Variants in SLC23A2 observed in about 807,000 individuals in gnomAD.
The protein encoded by SLC23A2 is solute carrier family 23 member 2.
Under a neutral mutation model 73.3 loss-of-function variants are expected in SLC23A2, and 36 were observed. That is an observed-to-expected ratio of 0.49 (90% CI 0.38 to 0.65). The LOEUF (loss-of-function observed/expected upper bound fraction) is 0.65. Ranked by LOEUF, SLC23A2 falls within the 30% of genes least tolerant of loss-of-function variation. The probability of loss-of-function intolerance (pLI) is 0.00; values close to 1 mark genes in which losing one functional copy is unlikely to be tolerated. For synonymous variants in SLC23A2, 343 were observed against 327.3 expected, an observed-to-expected ratio of 1.05 and a Z score of -0.52; for missense variants, 507 against 841.6, an observed-to-expected ratio of 0.60 and a Z score of 4.92.
chr20:4,983,833 G>A (rs2087773223), intron 1 of SLC23A2, among the ~76,000 whole-genome samples: 1 of 151,326 alleles, frequency 6.6e-6, no homozygotes, highest in Admixed American at 6.6e-5. Context: ...GTGCATGCCT[G>A]TAATCCCTGC....
At chr20:4,975,695 TA>T (rs1299185505) in intron 1 of SLC23A2, among the ~76,000 whole-genome samples, 2 of 151,206 alleles carry the variant, frequency 1.3e-5, no homozygotes, top group South Asian at 2.1e-4. Flanking sequence ...TTTTTTTTTT[TA>T]ATTTTTGCAA....
chr20:4,857,283 TACACACACACACAC>T lies in SLC23A2; in HGVS notation c.1721-93_1721-80del, dbSNP rs398035250. The stretch of plus-strand genomic sequence containing the variant: ...GAAAATGAAACTGTCGTCAAACACA[TACACACACACACAC>T]ACACACACACACACACACACACACA... On this transcript the variant is annotated intron_variant, in intron 16 of 16. Transcript: ENST00000338244. This position sits in a 1 kb window ranked among gnomAD's most constrained non-coding sequence, Gnocchi z 4.0. 16,662 of 420,710 alleles carry T rather than the reference TACACACACACACAC, an allele frequency of 0.04. 178 individuals carry two copies. The highest frequency in any genetic ancestry group is 0.074 in the African/African-American group (3,389 of 45,590). 26.1% of individuals were successfully genotyped at this position (420,710 alleles called of 1,614,324 possible). A position where few individuals can be genotyped will look rare whatever the true frequency, so the allele number is the denominator to read the frequency against.
chr20:4,902,574 A>G lies in SLC23A2; in HGVS notation c.208-16T>C. Reference sequence around the variant, plus strand: ...CGAGAGAGCTCTGCGAGCCAGAAGGAGAAAAGAAGGTGCTCATTAAACGTG... The same window carrying G: ...CGAGAGAGCTCTGCGAGCCAGAAGGGGAAAAGAAGGTGCTCATTAAACGTG... On this transcript the variant is annotated splice_polypyrimidine_tract_variant and intron_variant, in intron 4 of 16. Coordinates refer to ENST00000338244, the MANE Select transcript of SLC23A2 (RefSeq NM_005116.6). This position sits in a 1 kb window ranked among gnomAD's most constrained non-coding sequence, Gnocchi z 4.0. 1 of 1,485,404 alleles carries G rather than the reference A, an allele frequency of 6.7e-7. No individual in the cohort carries two copies. The highest frequency in any genetic ancestry group is 9.3e-7 in the Non-Finnish European group (1 of 1,070,516). The allele number at this position is 1,485,404 out of a possible 1,614,324, so 92.0% of individuals were successfully genotyped here.
chr20:4,921,841 A>G (rs1932508284), intron 3 of SLC23A2, among the ~76,000 whole-genome samples: 2 of 152,196 alleles, frequency 1.3e-5, no homozygotes, highest in African/African-American at 4.8e-5. Context: ...GAGGCAGAAG[A>G]ACATATCAGC....
At chr20:4,932,406 G>A in intron 3 of SLC23A2, 49 bp downstream of exon 3, 2 of 1,068,538 alleles carry the variant, frequency 1.9e-6, no homozygotes, top group Non-Finnish European at 2.9e-6. Flanking sequence ...ATTCCATACG[G>A]AAACTACTTT....
intron 2 of SLC23A2, among the ~76,000 whole-genome samples, chr20:4,959,638 T>C (rs1418756530): frequency 2.0e-5 from 3 of 151,504 alleles, no homozygotes; most frequent in Non-Finnish European, 1.5e-5. Context: ...GATGGGACTA[T>C]AGGTGTGCGC....
At chr20:4,984,359 C>T (rs1261781979) in intron 1 of SLC23A2, among the ~76,000 whole-genome samples, 1 of 152,012 alleles carries the variant, frequency 6.6e-6, no homozygotes, top group East Asian at 1.9e-4. Context: ...TCGAGACCAT[C>T]CTGGCTAACA....
At chr20:4,983,333 T>C (rs1352806165) in intron 1 of SLC23A2, among the ~76,000 whole-genome samples, 1 of 151,662 alleles carries the variant, frequency 6.6e-6, no homozygotes, top group African/African-American at 2.4e-5. Context: ...TAACAAAAAT[T>C]AAAACTTTCT....
intron 2 of SLC23A2, among the ~76,000 whole-genome samples, chr20:4,953,545 T>C (rs1052814726): frequency 6.6e-6 from 1 of 152,102 alleles, no homozygotes; most frequent in Non-Finnish European, 1.5e-5. Context: ...AAAACACAGC[T>C]AGACCTGTGA....
In SLC23A2 at chr20:4,929,098, T is replaced by A. The variant is rs148973375; in HGVS notation, c.108+3357A>T. Among the ~76,000 whole-genome samples the A allele has an allele frequency of 6.4e-3, 963 of 151,596 alleles. 11 individuals are homozygous for A. The highest frequency in any genetic ancestry group is 0.021 in the African/African-American group (859 of 41,348). On this transcript the variant is annotated intron_variant, in intron 3 of 16. Transcript: ENST00000338244. ...AAATGCCATCTCTAAATTTAAAAAA[T>A]ATATATATACACAAAAATGTAGCCA...
At chr20:5,003,346 C>G (rs989403424), upstream of SLC23A2, among the ~76,000 whole-genome samples, 5 of 151,850 alleles carry the variant, frequency 3.3e-5, no homozygotes, top group African/African-American at 1.2e-4. Flanking sequence ...ATCGCGCCAC[C>G]GCACTCCAGC....
At chr20:4,907,205 A>AG (rs1449704214) in intron 4 of SLC23A2, among the ~76,000 whole-genome samples, 2 of 152,200 alleles carry the variant, frequency 1.3e-5, no homozygotes, top group African/African-American at 4.8e-5. Flanking sequence ...AGGTCACAGA[A>AG]GCCAGACTTA....
intron 1 of SLC23A2, among the ~76,000 whole-genome samples, chr20:5,007,240 A>C (rs1471157311): frequency 6.6e-6 from 1 of 151,990 alleles, no homozygotes; most frequent in Admixed American, 6.6e-5. Context: ...ATTTAAAGTA[A>C]ACAATTGTGG....
chr20:4,974,725 C>T (rs530075259), intron 1 of SLC23A2, among the ~76,000 whole-genome samples: 1 of 152,154 alleles, frequency 6.6e-6, no homozygotes, highest in African/African-American at 2.4e-5. Context: ...AAAAGAGGCA[C>T]ATGTATGCAC....
rs918057376 is a variant in SLC23A2 at position 4,856,934 on chromosome 20, A to G, written c.*38T>C. On this transcript the variant is annotated 3_prime_UTR_variant, in exon 17 of 17. Transcript: ENST00000338244. The surrounding 1 kb of genome is among the most constrained non-coding windows in gnomAD (Gnocchi z 4.6). The stretch of plus-strand genomic sequence containing the variant: ...TTACTCAGCAAGGAACTACAGATAC[A>G]TGCCTCACTGCGGCCAGGCCACAGG... The G allele has an allele frequency of 7.7e-7, 1 of 1,301,896 alleles. No individual in the cohort carries two copies. The highest frequency in any genetic ancestry group is 1.1e-6 in the Non-Finnish European group (1 of 902,532). 80.6% of individuals were successfully genotyped at this position (1,301,896 alleles called of 1,614,324 possible). A position where few individuals can be genotyped will look rare whatever the true frequency, so the allele number is the denominator to read the frequency against.
chr20:4,963,007 G>T (rs1230823821), intron 2 of SLC23A2, among the ~76,000 whole-genome samples: 4 of 152,086 alleles, frequency 2.6e-5, no homozygotes, highest in African/African-American at 9.6e-5. Context: ...AAAAAAAGTT[G>T]CCAGATGATG....
chr20:4,914,570 C>CAATTATACTCATAGAAGCTTATAT (rs1455895194), intron 3 of SLC23A2, among the ~76,000 whole-genome samples: 1 of 151,624 alleles, frequency 6.6e-6, no homozygotes, highest in Non-Finnish European at 1.5e-5. Flanking sequence ...GTGGATCCAG[C>CAATTATACTCATAGAAGCTTATAT]AATTATACTC....
chr20:4,926,817 TG>T (rs1357457137), intron 3 of SLC23A2, among the ~76,000 whole-genome samples: 1 of 152,082 alleles, frequency 6.6e-6, no homozygotes, highest in African/African-American at 2.4e-5. Flanking sequence ...TGTTTTATTT[TG>T]TTTAAAGATC....
chr20:4,998,739 A>G lies in SLC23A2; in HGVS notation c.-282+2667T>C, dbSNP rs908997545. On this transcript the variant is annotated intron_variant, in intron 1 of 16. Coordinates refer to ENST00000338244, the MANE Select transcript of SLC23A2 (RefSeq NM_005116.6). The surrounding 1 kb of genome is among the most constrained non-coding windows in gnomAD (Gnocchi z 4.1). The stretch of plus-strand genomic sequence containing the variant: ...AAGCCTAAGAGGATTAAATATAAAT[A>G]CGTTTTTAAAAAGCTTCAATTTACA... 1.2e-4 allele frequency among the ~76,000 whole-genome samples: 18 copies of G among 152,122 alleles called. No individual in the cohort carries two copies. The highest frequency in any genetic ancestry group is 5.2e-4 in the Admixed American group (8 of 15,252).
Sources: allele counts gnomAD v4.1 joint callset (sites outside exome capture counted in the v4.1 genomes callset), GRCh38; gene constraint gnomAD v4.1.1; non-coding constraint Gnocchi (gnomAD v3.1); transcripts MANE v1.5; gene names NCBI Gene and HGNC (gene_info 2026-07-23, HGNC 2026-07-21).